The following AKAP7 variants were observed in gnomAD, a reference collection of about 807,000 sequenced individuals.
AKAP7 encodes the protein A-kinase anchoring protein 7.
AKAP7 carries 39 observed loss-of-function variants against 39.5 expected under a neutral mutation model. The ratio of observed to expected loss-of-function variants is 0.99; its 90% CI spans 0.76 to 1.29. The LOEUF (loss-of-function observed/expected upper bound fraction) is 1.29, where lower values mean the gene tolerates loss of function less well. AKAP7 is among the 50% of genes most tolerant of loss of function. The probability of loss-of-function intolerance (pLI) is 0.00; values close to 1 mark genes in which losing one functional copy is unlikely to be tolerated. For missense variants in AKAP7, 414 were observed against 407.7 expected, an observed-to-expected ratio of 1.02 and a Z score of -0.13; for synonymous variants, 140 against 139.1, an observed-to-expected ratio of 1.01 and a Z score of -0.05.
chr6:131,191,336 G>A (rs1249615753), intron 5 of AKAP7, among the ~76,000 whole-genome samples: 1 of 152,170 alleles, frequency 6.6e-6, no homozygotes, highest in African/African-American at 2.4e-5. Flanking sequence ...GTTGGGTTAT[G>A]ACAGGGTAGT....
chr6:131,136,883 A>G, intron 1 of AKAP7: 3 of 985,172 alleles, frequency 3.0e-6, no homozygotes, highest in Non-Finnish European at 3.6e-6. Context: ...AGCCAGGACT[A>G]GAATGGATGC....
intron 7 of AKAP7, among the ~76,000 whole-genome samples, chr6:131,269,642 G>A (rs1814107731): frequency 6.6e-6 from 1 of 152,196 alleles, no homozygotes; most frequent in African/African-American, 2.4e-5. Context: ...TTAAACAACA[G>A]AGTGAGGGTG....
intron 3 of AKAP7, among the ~76,000 whole-genome samples, chr6:131,162,395 G>T (rs1356207047): frequency 6.6e-6 from 1 of 150,904 alleles, no homozygotes; most frequent in Non-Finnish European, 1.5e-5. Flanking sequence ...GCAGGCTTTG[G>T]GTCTGACAGA....
intron 5 of AKAP7, among the ~76,000 whole-genome samples, chr6:131,183,639 C>G (rs1243647044): frequency 6.6e-6 from 1 of 152,044 alleles, no homozygotes; most frequent in Admixed American, 6.6e-5. Context: ...GTCACTGGAG[C>G]CCGCCCATGA....
At chr6:131,221,363 G>T (rs1248170084) in intron 7 of AKAP7, among the ~76,000 whole-genome samples, 1 of 152,194 alleles carries the variant, frequency 6.6e-6, no homozygotes, top group African/African-American at 2.4e-5. Context: ...GCTGGTTCAT[G>T]AGGTTTAAGG....
chr6:131,135,525 C>CGCCGCTGCTGCCGCT lies in AKAP7; in HGVS notation c.-233_-219dup, dbSNP rs1554376111. The CGCCGCTGCTGCCGCT allele has an allele frequency of 2.9e-5, 5 of 169,840 alleles. No homozygotes were observed. The highest frequency in any genetic ancestry group is 3.5e-5 in the Non-Finnish European group (3 of 85,788). The allele number at this position is 169,840 out of a possible 1,614,324, so 10.5% of individuals were successfully genotyped here. A position where few individuals can be genotyped will look rare whatever the true frequency, so the allele number is the denominator to read the frequency against. ...GTGCTGCGGCTGCTGCGGCTGCCGC[C>CGCCGCTGCTGCCGCT]GCCGCTGCTGCCGCTGCCGCGGGGG... On this transcript the variant is annotated 5_prime_UTR_variant, in exon 1 of 8. Transcript: ENST00000431975.
chr6:131,228,433 A>G (rs897791605), intron 7 of AKAP7, among the ~76,000 whole-genome samples: 1 of 152,222 alleles, frequency 6.6e-6, no homozygotes, highest in Admixed American at 6.5e-5. Context: ...TGCAGTAGGA[A>G]TATGTGCCTC....
chr6:131,130,383 T>C, the AKAP7 span, among the ~76,000 whole-genome samples: 2 of 152,206 alleles, frequency 1.3e-5, no homozygotes, highest in African/African-American at 4.8e-5. Flanking sequence ...CTGCAACCTC[T>C]GCCTCCTGAG....
chr6:131,228,957 AGTATAT>A (rs1462491767), intron 7 of AKAP7, among the ~76,000 whole-genome samples: 2 of 152,144 alleles, frequency 1.3e-5, no homozygotes, highest in East Asian at 3.8e-4. Flanking sequence ...TCAACTTCTG[AGTATAT>A]GTATTTTTAA....
intron 7 of AKAP7, among the ~76,000 whole-genome samples, chr6:131,280,000 C>A (rs966979197): frequency 6.6e-6 from 1 of 152,284 alleles, no homozygotes; most frequent in East Asian, 1.9e-4. Flanking sequence ...GCAATATATT[C>A]ATTCATTCCT....
At chr6:131,240,126 G>A (rs1323699246) in intron 7 of AKAP7, among the ~76,000 whole-genome samples, 1 of 152,224 alleles carries the variant, frequency 6.6e-6, no homozygotes, top group African/African-American at 2.4e-5. Flanking sequence ...CCATCTAACA[G>A]TCAGGATCCT....
At position 131,267,675 on chromosome 6, in the gene AKAP7, CTT is replaced by C. The variant is rs564589937; in HGVS notation, c.851-13854_851-13853del. On this transcript the variant is annotated intron_variant, in intron 7 of 7. Transcript: ENST00000431975. ...AGCCAAGCTGGTCTTAACTCTCTCT[CTT>C]GTGGCATTTCTTCCCTGGCCCACTT... Among the ~76,000 whole-genome samples the C allele has an allele frequency of 4.9e-4, 75 of 152,302 alleles. 1 individual carries two copies. In the South Asian group the frequency reaches 0.015, roughly 29 times the overall value.
chr6:131,133,669 GC>G (rs1404978995), upstream of AKAP7, among the ~76,000 whole-genome samples: 3 of 152,246 alleles, frequency 2.0e-5, no homozygotes, highest in Non-Finnish European at 2.9e-5. Flanking sequence ...TCTTTCTCCT[GC>G]CCATTTAGTT....
chr6:131,173,614 G>A (rs1387030059), intron 5 of AKAP7, among the ~76,000 whole-genome samples: 1 of 152,178 alleles, frequency 6.6e-6, no homozygotes, highest in Non-Finnish European at 1.5e-5. Flanking sequence ...AAAATCATTA[G>A]TAGGCCAATG....
chr6:131,269,816 T>G (rs960347211), intron 7 of AKAP7, among the ~76,000 whole-genome samples: 6 of 152,216 alleles, frequency 3.9e-5, no homozygotes, highest in African/African-American at 1.4e-4. Flanking sequence ...TGGAAATTAT[T>G]ATTCCTATTT....
chr6:131,138,266 G>A (rs921254655), intron 1 of AKAP7, among the ~76,000 whole-genome samples: 1 of 152,156 alleles, frequency 6.6e-6, no homozygotes, highest in South Asian at 2.1e-4. Context: ...AGGATCTCCA[G>A]TTCCATCCAT....
At chr6:131,196,314 G>T (rs1426038947) in intron 5 of AKAP7, among the ~76,000 whole-genome samples, 5 of 146,534 alleles carry the variant, frequency 3.4e-5, no homozygotes, top group Admixed American at 6.9e-5. Context: ...CACTCAGGCA[G>T]GAGTGCAATG....
chr6:131,236,701 CTGTT>C lies in AKAP7; in HGVS notation c.850+16897_850+16900del, dbSNP rs759733112. Among the ~76,000 whole-genome samples the C allele has an allele frequency of 2.6e-5, 4 of 152,266 alleles. 1 individual carries two copies. The highest frequency in any genetic ancestry group is 6.8e-3 in the Middle Eastern group (2 of 294). ...GGGAGTTCACTCATGATTTGGCTCTCTGTTTGTCTGTTATTGGTGTATAAGAATG... is the reference window on the plus strand; with the variant it reads ...GGGAGTTCACTCATGATTTGGCTCTCTGTCTGTTATTGGTGTATAAGAATG... On this transcript the variant is annotated intron_variant, in intron 7 of 7. Coordinates refer to ENST00000431975, the MANE Select transcript of AKAP7 (RefSeq NM_016377.4).
intron 7 of AKAP7, among the ~76,000 whole-genome samples, chr6:131,241,484 A>T (rs1037687001): frequency 6.6e-6 from 1 of 151,792 alleles, no homozygotes; most frequent in African/African-American, 2.4e-5. Flanking sequence ...TGGTGACAAG[A>T]AGATGATGAG....
Sources: gnomAD v4.1 joint callset for allele counts (sites outside exome capture counted in the v4.1 genomes callset) on GRCh38, gnomAD v4.1.1 for gene constraint, MANE v1.5 for transcripts, NCBI Gene and HGNC (gene_info 2026-07-23, HGNC 2026-07-21) for gene names.